GRXCR2: variants seen among roughly 807,000 people sequenced by gnomAD.
The protein encoded by GRXCR2 is glutaredoxin and cysteine rich domain containing 2, also known as glutaredoxin domain-containing cysteine-rich protein 2.
GRXCR2 carries 23 observed loss-of-function variants against 24.8 expected under a neutral mutation model. The ratio of observed to expected loss-of-function variants is 0.93; its 90% CI spans 0.67 to 1.32. GRXCR2 has a LOEUF of 1.32. GRXCR2 is among the 40% of genes most tolerant of loss of function. GRXCR2 has a pLI of 0.00. For synonymous variants in GRXCR2, 130 were observed against 116.1 expected (o/e 1.12, Z -0.77); for missense variants, 315 against 303.4 (o/e 1.04, Z -0.28).
intron 2 of GRXCR2, among the ~76,000 whole-genome samples, chr5:145,896,580 G>C (rs982417185): frequency 2.0e-5 from 3 of 152,142 alleles, no homozygotes; most frequent in Non-Finnish European, 4.4e-5. Flanking sequence ...AAACCACAAT[G>C]AGATACCATC....
intron 2 of GRXCR2, among the ~76,000 whole-genome samples, chr5:145,919,762 C>A (rs771879711): frequency 1.3e-5 from 2 of 152,004 alleles, no homozygotes; most frequent in Non-Finnish European, 2.9e-5. Context: ...GGGGAAGATC[C>A]ATCCTTTGCA....
chr5:145,905,749 A>G (rs1175111569), intron 2 of GRXCR2, among the ~76,000 whole-genome samples: 1 of 152,132 alleles, frequency 6.6e-6, no homozygotes, highest in Non-Finnish European at 1.5e-5. Flanking sequence ...TTATATGCAT[A>G]GAGGAGGCAA....
At chr5:145,921,049 AT>A (rs1289446063) in intron 2 of GRXCR2, among the ~76,000 whole-genome samples, 2 of 152,228 alleles carry the variant, frequency 1.3e-5, no homozygotes, top group African/African-American at 4.8e-5. Context: ...AGTGTTGGGG[AT>A]TTGTTATAGC....
At chr5:145,914,373 T>TC (rs1459950841) in intron 2 of GRXCR2, among the ~76,000 whole-genome samples, 3 of 115,872 alleles carry the variant, frequency 2.6e-5, no homozygotes, top group Non-Finnish European at 5.3e-5. Flanking sequence ...ATTAAGAAGA[T>TC]TTAAAAAAAA....
chr5:145,927,095 C>G (rs1757409639), intron 2 of GRXCR2, among the ~76,000 whole-genome samples: 1 of 152,192 alleles, frequency 6.6e-6, no homozygotes, highest in African/African-American at 2.4e-5. Flanking sequence ...CAAGACTTTG[C>G]TGAAGTTGCC....
At chr5:145,863,147 G>A (rs2149908452) in intron 2 of GRXCR2, among the ~76,000 whole-genome samples, 1 of 152,226 alleles carries the variant, frequency 6.6e-6, no homozygotes, top group Non-Finnish European at 1.5e-5. Context: ...CTCAAACCTG[G>A]CCGGGCTTTC....
chr5:145,910,443 T>C (rs1023623918), intron 2 of GRXCR2, among the ~76,000 whole-genome samples: 2 of 152,110 alleles, frequency 1.3e-5, no homozygotes, highest in Non-Finnish European at 2.9e-5. Context: ...TTCCCCACTG[T>C]TCATAAAAAT....
intron 2 of GRXCR2, among the ~76,000 whole-genome samples, chr5:145,897,462 C>T (rs941912985): frequency 6.6e-6 from 1 of 152,020 alleles, no homozygotes; most frequent in Admixed American, 6.6e-5. Context: ...ACTTGACCAA[C>T]TGGACCCAAT....
intron 2 of GRXCR2, among the ~76,000 whole-genome samples, chr5:145,889,388 C>T (rs181414489): frequency 6.6e-6 from 1 of 152,146 alleles, no homozygotes; most frequent in East Asian, 1.9e-4. Context: ...AGAACTTACT[C>T]ATGTAACCAA....
intron 2 of GRXCR2, among the ~76,000 whole-genome samples, chr5:145,910,490 C>T (rs779602549): frequency 4.6e-5 from 7 of 152,088 alleles, no homozygotes; most frequent in Non-Finnish European, 7.3e-5. Context: ...TATATACCAA[C>T]TGTTAACCTT....
At chr5:145,878,863 A>G (rs1756658012) in intron 2 of GRXCR2, among the ~76,000 whole-genome samples, 1 of 152,212 alleles carries the variant, frequency 6.6e-6, no homozygotes, top group Admixed American at 6.5e-5. Context: ...CAGAAACCCT[A>G]CAAGCCAGAA....
At chr5:145,895,887 C>A (rs534113678) in intron 2 of GRXCR2, among the ~76,000 whole-genome samples, 1 of 152,270 alleles carries the variant, frequency 6.6e-6, no homozygotes, top group East Asian at 1.9e-4. Context: ...AACTATACTA[C>A]AAGGCTACAG....
At chr5:145,875,180 A>G (rs13160739), upstream of GRXCR2, among the ~76,000 whole-genome samples, 13,382 of 152,308 alleles carry the variant, frequency 0.088, 1,213 homozygotes, top group African/African-American at 0.23. Flanking sequence ...AGTAATTGTT[A>G]AATGAATGAC....
chr5:145,899,200 T>A (rs1391016234), intron 2 of GRXCR2, among the ~76,000 whole-genome samples: 2 of 151,908 alleles, frequency 1.3e-5, no homozygotes, highest in Non-Finnish European at 2.9e-5. Flanking sequence ...ACATCTAACC[T>A]AGGAGGTAAA....
In GRXCR2 at chr5:145,929,199, C is replaced by CTATATATATATATATATA. The variant is rs72283862; in HGVS notation, c.-70+6484_-70+6501dup. 1.4e-3 allele frequency among the ~76,000 whole-genome samples: 168 copies of CTATATATATATATATATA among 116,454 alleles called. 1 individual carries two copies. Among genetic ancestry groups the CTATATATATATATATATA allele is most frequent in the African/African-American group, 4.2e-3 (133 of 31,646 alleles). 76.4% of individuals were successfully genotyped at this position (116,454 alleles called of 152,430 possible). Reference sequence around the variant, plus strand: ...TTTAATAGTTGTATAATATTCCCCCCTATATATATATATATATATATATAT... The same window carrying CTATATATATATATATATA: ...TTTAATAGTTGTATAATATTCCCCCCTATATATATATATATATATATATATATATATATATATATATAT... On this transcript the variant is annotated intron_variant, in intron 2 of 3. Transcript: ENST00000639411.
At chr5:145,891,168 C>G (rs769848448) in intron 2 of GRXCR2, among the ~76,000 whole-genome samples, 1 of 152,066 alleles carries the variant, frequency 6.6e-6, no homozygotes, top group Non-Finnish European at 1.5e-5. Context: ...CCAACATGGC[C>G]GAATAGGAAC....
At chr5:145,931,451 T>C (rs750582270) in intron 2 of GRXCR2, among the ~76,000 whole-genome samples, 2 of 152,202 alleles carry the variant, frequency 1.3e-5, no homozygotes, top group South Asian at 2.1e-4. Context: ...GTCACTTTAC[T>C]GTGGGCCTGG....
intron 2 of GRXCR2, among the ~76,000 whole-genome samples, chr5:145,919,948 G>T (rs1375225379): frequency 6.6e-6 from 1 of 152,084 alleles, no homozygotes; most frequent in Non-Finnish European, 1.5e-5. Flanking sequence ...TCTGTTCTGG[G>T]CTGACAAAAC....
At chr5:145,907,541 GTAATAA>G (rs917398607) in intron 2 of GRXCR2, among the ~76,000 whole-genome samples, 14 of 150,770 alleles carry the variant, frequency 9.3e-5, no homozygotes, top group African/African-American at 3.2e-4. Flanking sequence ...AAAAAAAAAA[GTAATAA>G]TAATAATAAA....
Sources: allele counts gnomAD v4.1 joint callset (sites outside exome capture counted in the v4.1 genomes callset), GRCh38; gene constraint gnomAD v4.1.1; transcripts MANE v1.5; gene names NCBI Gene and HGNC (gene_info 2026-07-23, HGNC 2026-07-21).